TTC39C: variants seen among roughly 807,000 people sequenced by gnomAD.
TTC39C encodes the protein tetratricopeptide repeat protein 39C.
TTC39C carries 33 observed loss-of-function variants against 76.3 expected under a neutral mutation model. The ratio of observed to expected loss-of-function variants is 0.43; its 90% CI spans 0.33 to 0.58. The LOEUF is 0.58. Among genes scored for constraint, TTC39C ranks in the 20% least tolerant of loss-of-function variants. The probability of loss-of-function intolerance (pLI) is 0.04; values close to 1 mark genes in which losing one functional copy is unlikely to be tolerated. For missense variants in TTC39C, 595 were observed against 701.4 expected (o/e 0.85, Z 1.71); for synonymous variants, 254 against 260.6 (o/e 0.97, Z 0.24).
chr18:24,104,741 T>TGAA (rs972831742), intron 6 of TTC39C, among the ~76,000 whole-genome samples: 5 of 151,514 alleles, frequency 3.3e-5, no homozygotes, highest in African/African-American at 1.2e-4. Context: ...TGTGTGTGTG[T>TGAA]GTGATGAATG....
chr18:24,069,912 C>G (rs1374557199), intron 4 of TTC39C, among the ~76,000 whole-genome samples: 2 of 152,142 alleles, frequency 1.3e-5, no homozygotes, highest in Non-Finnish European at 2.9e-5. Context: ...ATGGGTGTCT[C>G]TGATATTGAC....
rs1411917099 is a variant in TTC39C at position 24,114,554 on chromosome 18, T to C, written c.985T>C (p.Cys329Arg). 1.2e-6 allele frequency: 2 copies of C among 1,613,236 alleles called. No homozygotes were observed. Among genetic ancestry groups the C allele is most frequent in the African/African-American group, 1.3e-5 (1 of 75,046 alleles). Residue 329 changes from cysteine to arginine, a missense_variant and splice_region_variant, in exon 7 of 14, where the codon TGT becomes CGT. Transcript: ENST00000317571. ...AATTCTGTTTTCCTTTTCTCCTTAGTGTCAAATCAACAGTGCCTTGACATC... is the reference window on the plus strand; with the variant it reads ...AATTCTGTTTTCCTTTTCTCCTTAGCGTCAAATCAACAGTGCCTTGACATC... Reference protein sequence around the residue: ...FFKGRIQRLECQINSALTSFH... With the variant: ...FFKGRIQRLERQINSALTSFH...
At chr18:24,015,113 C>A in intron 1 of TTC39C, 75 bp downstream of exon 1, 1 of 1,267,134 alleles carries the variant, frequency 7.9e-7, no homozygotes, top group South Asian at 1.9e-5. Context: ...CGACCTGCGG[C>A]CCCCGGGAGC....
intron 2 of TTC39C, among the ~76,000 whole-genome samples, chr18:24,064,670 A>C (rs2084143818): frequency 6.6e-6 from 1 of 152,222 alleles, no homozygotes; most frequent in Non-Finnish European, 1.5e-5. Flanking sequence ...GGAAAATGGG[A>C]TACTTCGATT....
intron 7 of TTC39C, 51 bp from the exon 8 acceptor site, chr18:24,118,074 T>G (rs1203658433): frequency 6.7e-7 from 1 of 1,481,510 alleles, no homozygotes; most frequent in Non-Finnish European, 9.3e-7. Flanking sequence ...TAAATATGGG[T>G]CATAGAGCTC....
At chr18:24,042,801 A>G (rs1298508732) in intron 1 of TTC39C, among the ~76,000 whole-genome samples, 1 of 152,210 alleles carries the variant, frequency 6.6e-6, no homozygotes, top group Non-Finnish European at 1.5e-5. Flanking sequence ...TATACCCTGT[A>G]TATTTACGCA....
chr18:24,033,829 A>G (rs1230463280), intron 1 of TTC39C, among the ~76,000 whole-genome samples: 1 of 152,258 alleles, frequency 6.6e-6, no homozygotes, highest in Non-Finnish European at 1.5e-5. Context: ...CAGTTCACAG[A>G]CAGCAAAGAG....
intron 10 of TTC39C, 87 bp from the exon 11 acceptor site, chr18:24,128,787 AGAAACATGAACT>A (rs879570966): frequency 1.0e-4 from 97 of 935,296 alleles, no homozygotes; most frequent in Middle Eastern, 9.1e-4. Flanking sequence ...ATCAGGAGGC[AGAAACATGAACT>A]GAAACATTTA....
At chr18:24,129,085 C>A in intron 11 of TTC39C, 102 bp downstream of exon 11, 1 of 773,830 alleles carries the variant, frequency 1.3e-6, no homozygotes, top group Non-Finnish European at 2.0e-6. Flanking sequence ...GAAACCGAAC[C>A]TCCCACTATA....
chr18:24,044,232 A>C (rs887336169), intron 1 of TTC39C, among the ~76,000 whole-genome samples: 1 of 152,130 alleles, frequency 6.6e-6, no homozygotes, highest in African/African-American at 2.4e-5. Flanking sequence ...GGGAGTCTGA[A>C]GAGGAGAGGG....
At chr18:24,017,891 T>G (rs2083473311) in intron 1 of TTC39C, among the ~76,000 whole-genome samples, 1 of 152,252 alleles carries the variant, frequency 6.6e-6, no homozygotes, top group South Asian at 2.1e-4. Flanking sequence ...AACAATATTT[T>G]TTATTAAAGC....
At chr18:24,059,570 A>G (rs2145723958) in intron 1 of TTC39C, among the ~76,000 whole-genome samples, 1 of 152,340 alleles carries the variant, frequency 6.6e-6, no homozygotes, top group Middle Eastern at 3.4e-3. Context: ...GTTGCATAGT[A>G]TTCAATGGTA....
intron 8 of TTC39C, chr18:24,123,603 C>T (rs999416240): frequency 5.3e-5 from 19 of 358,624 alleles, no homozygotes; most frequent in Non-Finnish European, 7.5e-5. Flanking sequence ...GATGGGGTTT[C>T]GCCATGTTGG....
At chr18:24,130,143 A>G (rs1032475368) in intron 11 of TTC39C, among the ~76,000 whole-genome samples, 170 bp from the exon 12 acceptor site, 7 of 152,210 alleles carry the variant, frequency 4.6e-5, no homozygotes, top group African/African-American at 1.7e-4. Flanking sequence ...GGCAGCATGT[A>G]AAGGACTTCT....
intron 1 of TTC39C, among the ~76,000 whole-genome samples, chr18:24,008,407 C>T (rs561812716): frequency 6.6e-6 from 1 of 152,308 alleles, no homozygotes; most frequent in Admixed American, 6.5e-5. Context: ...GAGAAGAGCT[C>T]GGACATGCCA....
intron 4 of TTC39C, chr18:24,077,249 G>A (rs951835551): frequency 6.6e-6 from 1 of 152,130 alleles, no homozygotes; most frequent in Non-Finnish European, 1.5e-5. Flanking sequence ...CTTTAATAAA[G>A]CTGAGGTAGC....
At chr18:23,996,407 A>G (rs1264429536) in intron 1 of TTC39C, among the ~76,000 whole-genome samples, 1 of 152,238 alleles carries the variant, frequency 6.6e-6, no homozygotes, top group Non-Finnish European at 1.5e-5. Flanking sequence ...TTGTGCTAAT[A>G]TTAAAATAAG....
chr18:24,123,943 G>A lies in TTC39C; in HGVS notation c.1296G>A (p.Lys432=), dbSNP rs768146088. The part of the protein sequence containing the change: ...NNQIEQFSVK[K]AERFRKQTPT... ...AGATTGAACAGTTCTCGGTGAAAAA[G>A]GTATGTTGGAGCCTATTGATCTGGT... The change falls in exon 9 of 14, where the codon AAG becomes AAA. Residue 432 remains lysine (K), a splice_region_variant and synonymous_variant. Transcript: ENST00000317571. The A allele has an allele frequency of 1.2e-6, 2 of 1,601,962 alleles. No individual in the cohort carries two copies. The highest frequency in any genetic ancestry group is 1.1e-5 in the South Asian group (1 of 90,064).
intron 1 of TTC39C, among the ~76,000 whole-genome samples, chr18:24,036,923 G>A (rs976930012): frequency 2.0e-5 from 3 of 152,154 alleles, no homozygotes; most frequent in Non-Finnish European, 4.4e-5. Flanking sequence ...GTGAGCCACC[G>A]TGCCTGGCCA....
Sources: allele counts gnomAD v4.1 joint callset (sites outside exome capture counted in the v4.1 genomes callset), GRCh38; gene constraint gnomAD v4.1.1; transcripts MANE v1.5; gene names NCBI Gene and HGNC (gene_info 2026-07-23, HGNC 2026-07-21).